Variants in LDAH observed in about 807,000 individuals in gnomAD.
LDAH encodes lipid droplet-associated hydrolase.
Under a neutral mutation model 29.6 loss-of-function variants are expected in LDAH, and 26 were observed. The observed-to-expected ratio is 0.88, with a 90% CI of 0.64 to 1.22. LDAH has a LOEUF of 1.22. Among genes scored for constraint, LDAH ranks in the 50% most tolerant of loss-of-function variants. The probability of loss-of-function intolerance (pLI) is 0.00; values close to 1 mark genes in which losing one functional copy is unlikely to be tolerated. For missense variants in LDAH, 344 were observed against 387.3 expected (o/e 0.89, Z 0.94); for synonymous variants, 117 against 133.0 (o/e 0.88, Z 0.83).
At chr2:20,702,817 G>T (rs1380690002) in intron 5 of LDAH, among the ~76,000 whole-genome samples, 1 of 152,100 alleles carries the variant, frequency 6.6e-6, no homozygotes, top group Non-Finnish European at 1.5e-5. Flanking sequence ...TCAACCATCT[G>T]GAATTTTAGT....
At chr2:20,715,874 T>G (rs1280596069) in intron 5 of LDAH, among the ~76,000 whole-genome samples, 1 of 151,972 alleles carries the variant, frequency 6.6e-6, no homozygotes, top group Non-Finnish European at 1.5e-5. Flanking sequence ...CTCAAGGAAG[T>G]GAGAGAGGAC....
intron 5 of LDAH, among the ~76,000 whole-genome samples, chr2:20,712,612 C>T (rs1259212419): frequency 3.9e-5 from 6 of 152,148 alleles, no homozygotes; most frequent in Non-Finnish European, 7.4e-5. Flanking sequence ...GATGTTCAAA[C>T]CCATCACAAG....
At chr2:20,708,798 C>T (rs1427220890) in intron 5 of LDAH, among the ~76,000 whole-genome samples, 2 of 152,062 alleles carry the variant, frequency 1.3e-5, no homozygotes, top group African/African-American at 2.4e-5. Context: ...ACATCAAAAG[C>T]ACAAGTGACA....
intron 5 of LDAH, among the ~76,000 whole-genome samples, chr2:20,735,948 C>T (rs1666744614): frequency 6.6e-6 from 1 of 151,976 alleles, no homozygotes; most frequent in Admixed American, 6.6e-5. Context: ...TGATGGTGGC[C>T]CCATTACTGC....
At chr2:20,706,704 TA>T (rs72339311) in intron 5 of LDAH, among the ~76,000 whole-genome samples, 33,389 of 118,172 alleles carry the variant, frequency 0.28, 4,279 homozygotes, top group East Asian at 0.39. Flanking sequence ...CTGAAACAAC[TA>T]AAAAAAAAAA....
At chr2:20,747,535 A>G (rs890034947) in intron 4 of LDAH, among the ~76,000 whole-genome samples, 6 of 152,156 alleles carry the variant, frequency 3.9e-5, no homozygotes, top group Admixed American at 1.3e-4. Context: ...AAGTAATCCT[A>G]GTTTAGTTTA....
chr2:20,789,562 T>G (rs549865528), intron 3 of LDAH, among the ~76,000 whole-genome samples: 120 of 152,200 alleles, frequency 7.9e-4, no homozygotes, highest in African/African-American at 2.7e-3. Context: ...ACCCCTTAGG[T>G]GTCTATATGA....
At chr2:20,810,564 C>T (rs1347659961) in intron 1 of LDAH, among the ~76,000 whole-genome samples, 1 of 152,104 alleles carries the variant, frequency 6.6e-6, no homozygotes, top group Non-Finnish European at 1.5e-5. Context: ...ACTATTGTGG[C>T]CATCTTTGGA....
intron 3 of LDAH, among the ~76,000 whole-genome samples, chr2:20,781,164 T>C (rs1056569205): frequency 6.6e-6 from 1 of 152,238 alleles, no homozygotes; most frequent in Non-Finnish European, 1.5e-5. Context: ...TTTCCCATCA[T>C]GTGTGCTGAC....
rs576435642 is a variant in LDAH at position 20,704,838 on chromosome 2, T to C, written c.704-3186A>G. On this transcript the variant is annotated intron_variant, in intron 5 of 6. Coordinates refer to ENST00000237822, the MANE Select transcript of LDAH (RefSeq NM_021925.4). The stretch of plus-strand genomic sequence containing the variant: ...ACAATGAAAATTCTTTCTTCAAAAA[T>C]GCATCAGATTTTATTCCCAAATGTA... Among the ~76,000 whole-genome samples the C allele has an allele frequency of 2.8e-3, 433 of 152,356 alleles. 3 individuals are homozygous for C. Among genetic ancestry groups the C allele is most frequent in the Middle Eastern group, 3.4e-3 (1 of 294 alleles).
In LDAH at chr2:20,790,333, G is replaced by A. The variant is rs191990052; in HGVS notation, c.220C>T (p.Arg74Cys). Residue 74 changes from arginine (R) to cysteine (C), a missense_variant, in exon 3 of 7, where the codon CGC (arginine) becomes TGC (cysteine). Physicochemically the swap from Arg to Cys is radical, Grantham distance 180. Transcript: ENST00000237822. ...TGACTGATAGTCCAAACTGGAAAGC[G>A]TCTGTTTGTCAAAGAGTATAAAGCC... ...AKALYSLTNR[R>C]FPVWTISHAG... The A allele has an allele frequency of 1.2e-5, 19 of 1,614,098 alleles. No individual in the cohort carries two copies. The East Asian group carries it at 3.1e-4, about 26-fold the overall frequency.
At chr2:20,748,132 A>G (rs933724053) in intron 4 of LDAH, among the ~76,000 whole-genome samples, 1 of 152,184 alleles carries the variant, frequency 6.6e-6, no homozygotes, top group Non-Finnish European at 1.5e-5. Context: ...AAAGCATGAG[A>G]TCTTTCAACT....
rs1297392958 is a variant in LDAH, at chr2:20,698,806, A to G, written c.786+2764T>C. 2.6e-5 allele frequency among the ~76,000 whole-genome samples: 4 copies of G among 152,272 alleles called. No homozygotes were observed. The highest frequency in any genetic ancestry group is 5.9e-5 in the Non-Finnish European group (4 of 68,046). ...AAAAATTATTTTAATAAAATAAATT[A>G]CTTTATGTCCAATACTGTGTATAAA... On this transcript the variant is annotated intron_variant, in intron 6 of 6. Coordinates refer to ENST00000237822, the MANE Select transcript of LDAH (RefSeq NM_021925.4). The surrounding 1 kb of genome is among the most constrained non-coding windows in gnomAD (Gnocchi z 4.4).
intron 1 of LDAH, 114 bp downstream of exon 1, chr2:20,822,923 G>A (rs1673439184): frequency 6.6e-6 from 1 of 152,284 alleles, no homozygotes; most frequent in Admixed American, 6.5e-5. Context: ...TCTGGCCCAG[G>A]GCAACAGGGG....
intron 6 of LDAH, among the ~76,000 whole-genome samples, chr2:20,692,778 A>G (rs1186970518): frequency 6.6e-6 from 1 of 152,156 alleles, no homozygotes; most frequent in Non-Finnish European, 1.5e-5. Context: ...TACTTTGGGT[A>G]GTCAATTTGT....
intron 5 of LDAH, among the ~76,000 whole-genome samples, chr2:20,707,643 T>C (rs1664409665): frequency 6.6e-6 from 1 of 152,044 alleles, no homozygotes; most frequent in Non-Finnish European, 1.5e-5. Context: ...ATCAGCACAA[T>C]TGTATGAGAA....
chr2:20,737,667 T>A (rs1279456245), intron 5 of LDAH, among the ~76,000 whole-genome samples: 2 of 151,188 alleles, frequency 1.3e-5, no homozygotes, highest in Non-Finnish European at 3.0e-5. Context: ...AAAATGAGAG[T>A]TGAGGGTTTG....
chr2:20,716,177 C>T (rs1428955498), intron 5 of LDAH, among the ~76,000 whole-genome samples: 1 of 152,114 alleles, frequency 6.6e-6, no homozygotes, highest in Non-Finnish European at 1.5e-5. Context: ...GGCAATTCCT[C>T]AAGGATCTAG....
intron 1 of LDAH, among the ~76,000 whole-genome samples, chr2:20,809,666 A>G (rs1242522869): frequency 6.6e-6 from 1 of 152,242 alleles, no homozygotes; most frequent in Non-Finnish European, 1.5e-5. Context: ...ACAAATCAGT[A>G]AGAGACAACT....
Sources: gnomAD v4.1 joint callset for allele counts (sites outside exome capture counted in the v4.1 genomes callset) on GRCh38, gnomAD v4.1.1 for gene constraint, Gnocchi (gnomAD v3.1) non-coding constraint, MANE v1.5 for transcripts, NCBI Gene and HGNC (gene_info 2026-07-23, HGNC 2026-07-21) for gene names.